Variants in PLGRKT observed in about 807,000 individuals in gnomAD.
The protein encoded by PLGRKT is plasminogen receptor with a C-terminal lysine.
Under a neutral mutation model 18.5 loss-of-function variants are expected in PLGRKT, and 22 were observed. That is an observed-to-expected ratio of 1.19 (90% CI 0.85 to 1.70). PLGRKT has a LOEUF of 1.70. PLGRKT is among the 40% of genes most tolerant of loss of function. The pLI is 0.00. For synonymous variants in PLGRKT, 72 were observed against 52.8 expected, an observed-to-expected ratio of 1.36 and a Z score of -1.58; for missense variants, 235 against 174.4, an observed-to-expected ratio of 1.35 and a Z score of -1.96.
intron 3 of PLGRKT, among the ~76,000 whole-genome samples, chr9:5,402,787 A>G (rs1299210510): frequency 7.9e-5 from 12 of 151,988 alleles, no homozygotes; most frequent in Admixed American, 7.9e-4. Flanking sequence ...AAATTTTTAT[A>G]AAGTGTAAAA....
At chr9:5,428,334 A>G (rs1299284227) in intron 3 of PLGRKT, among the ~76,000 whole-genome samples, 1 of 152,168 alleles carries the variant, frequency 6.6e-6, no homozygotes, top group East Asian at 1.9e-4. Context: ...ATGCTGGGGA[A>G]CTTCAGGGCA....
chr9:5,361,870 T>G lies in PLGRKT; in HGVS notation c.100A>C (p.Met34Leu). The G allele has an allele frequency of 6.2e-7, 1 of 1,613,012 alleles. No individual in the cohort carries two copies. Among genetic ancestry groups the G allele is most frequent in the Non-Finnish European group, 8.5e-7 (1 of 1,179,588 alleles). ...ARLQLERQLIMQSEMRERQMA... is the reference protein window; with the variant it reads ...ARLQLERQLILQSEMRERQMA... Reference sequence around the variant, plus strand: ...TGTCTTTCCCTCATTTCACTCTGCATGATGAGCTGCCTTTCCAGCTAAGGA... The same window carrying G: ...TGTCTTTCCCTCATTTCACTCTGCAGGATGAGCTGCCTTTCCAGCTAAGGA... Residue 34 changes from methionine to leucine, a missense_variant, in exon 4 of 6, where the codon ATG (methionine) becomes CTG (leucine). Coordinates refer to ENST00000223864, the MANE Select transcript of PLGRKT (RefSeq NM_018465.4).
In PLGRKT at chr9:5,387,837, T is replaced by C. The variant is rs78975300; in HGVS notation, c.82-25949A>G. 6.8e-4 allele frequency among the ~76,000 whole-genome samples: 103 copies of C among 151,792 alleles called. 1 individual carries two copies. The East Asian group carries it at 0.019, about 28-fold the overall frequency. On this transcript the variant is annotated intron_variant, in intron 3 of 5. Transcript: ENST00000223864. The stretch of plus-strand genomic sequence containing the variant: ...TATTGCAGATGGGCAAGGGTAACAA[T>C]AGGGAGAGCAGTTAGGAGGCTATAG...
chr9:5,376,673 C>A (rs1010797433), intron 3 of PLGRKT, among the ~76,000 whole-genome samples: 1 of 152,172 alleles, frequency 6.6e-6, no homozygotes. Context: ...TATGCAGCTA[C>A]ATGTCCTGAT....
intron 3 of PLGRKT, among the ~76,000 whole-genome samples, chr9:5,369,089 A>C (rs1817459796): frequency 6.6e-6 from 1 of 152,202 alleles, no homozygotes; most frequent in African/African-American, 2.4e-5. Flanking sequence ...ATAGCAACAA[A>C]AGCCAAAATT....
chr9:5,392,222 G>C lies in PLGRKT; in HGVS notation c.82-30334C>G, dbSNP rs944746311. 19 of 151,832 alleles carry C rather than the reference G, an allele frequency of 1.3e-4. 1 individual carries two copies. Among genetic ancestry groups the C allele is most frequent in the African/African-American group, 4.6e-4 (19 of 41,158 alleles). 9.4% of individuals were successfully genotyped at this position (151,832 alleles called of 1,614,324 possible). A position where few individuals can be genotyped will look rare whatever the true frequency, so the allele number is the denominator to read the frequency against. On this transcript the variant is annotated intron_variant, in intron 3 of 5. Coordinates refer to ENST00000223864, the MANE Select transcript of PLGRKT (RefSeq NM_018465.4). The stretch of plus-strand genomic sequence containing the variant: ...CCGGAGAGGTACTTTTAGGACAAAT[G>C]GGTATTTGTCAAGTTGTTATGGATG...
At chr9:5,411,938 A>G (rs1467200045) in intron 3 of PLGRKT, among the ~76,000 whole-genome samples, 1 of 152,242 alleles carries the variant, frequency 6.6e-6, no homozygotes, top group African/African-American at 2.4e-5. Flanking sequence ...AGACTATTTT[A>G]TACTTGGGCA....
At chr9:5,380,982 C>G (rs1483747814) in intron 3 of PLGRKT, among the ~76,000 whole-genome samples, 3 of 152,186 alleles carry the variant, frequency 2.0e-5, no homozygotes, top group Non-Finnish European at 4.4e-5. Flanking sequence ...AAGTGTGGCA[C>G]TTCCCCCTTT....
chr9:5,387,149 T>A (rs1817859382), intron 3 of PLGRKT, among the ~76,000 whole-genome samples: 1 of 151,882 alleles, frequency 6.6e-6, no homozygotes, highest in East Asian at 1.9e-4. Context: ...AGCTCCAATG[T>A]CAATGCTTTT....
intron 3 of PLGRKT, among the ~76,000 whole-genome samples, chr9:5,398,836 G>A (rs1198427476): frequency 1.3e-5 from 2 of 151,896 alleles, no homozygotes; most frequent in East Asian, 3.9e-4. Flanking sequence ...CCCAAAATAT[G>A]CCACTTTGAT....
chr9:5,400,999 A>G (rs1818143486), intron 3 of PLGRKT, among the ~76,000 whole-genome samples: 1 of 151,986 alleles, frequency 6.6e-6, no homozygotes, highest in Non-Finnish European at 1.5e-5. Flanking sequence ...CAAGTTAGAT[A>G]AGATCTTAAG....
chr9:5,434,150 G>A (rs1405440826), intron 2 of PLGRKT, among the ~76,000 whole-genome samples: 36 of 140,082 alleles, frequency 2.6e-4, no homozygotes, highest in Non-Finnish European at 4.8e-4. Flanking sequence ...CCGCCACCCC[G>A]TCTGGGAAGT....
chr9:5,421,015 G>A (rs939115628), intron 3 of PLGRKT, among the ~76,000 whole-genome samples: 4 of 152,122 alleles, frequency 2.6e-5, no homozygotes, highest in Admixed American at 2.6e-4. Context: ...ATTTTATGTT[G>A]CAAAAACCAT....
chr9:5,383,053 C>T (rs1817775847), intron 3 of PLGRKT, among the ~76,000 whole-genome samples: 1 of 152,110 alleles, frequency 6.6e-6, no homozygotes, highest in East Asian at 1.9e-4. Context: ...TTAGATCACC[C>T]AAGTGGGCTC....
upstream of PLGRKT, chr9:5,437,985 T>A (rs189017510): frequency 6.6e-6 from 1 of 152,116 alleles, no homozygotes; most frequent in Non-Finnish European, 1.5e-5. Context: ...AGAAGCCGGG[T>A]GTGTCCTTCC....
At chr9:5,432,076 TAAA>T in intron 2 of PLGRKT, 93 bp from the exon 3 acceptor site, 1 of 500,410 alleles carries the variant, frequency 2.0e-6, no homozygotes, top group Non-Finnish European at 3.6e-6. Context: ...TATGACAAAG[TAAA>T]AAAAAAAAGT....
chr9:5,395,315 G>C (rs558007763), intron 3 of PLGRKT, among the ~76,000 whole-genome samples: 50 of 151,952 alleles, frequency 3.3e-4, no homozygotes, highest in South Asian at 2.7e-3. Context: ...ACTATAAAAT[G>C]AATCTTCTCT....
intron 3 of PLGRKT, among the ~76,000 whole-genome samples, chr9:5,405,170 T>G (rs1009668048): frequency 9.2e-5 from 14 of 152,160 alleles, no homozygotes; most frequent in African/African-American, 2.4e-4. Context: ...ATCGTAAAAA[T>G]GGCCATACTG....
chr9:5,420,710 C>T (rs1818559653), intron 3 of PLGRKT, among the ~76,000 whole-genome samples: 1 of 152,204 alleles, frequency 6.6e-6, no homozygotes, highest in African/African-American at 2.4e-5. Flanking sequence ...GATTGTGCTG[C>T]TTTCTTCTCC....
Sources: allele counts gnomAD v4.1 joint callset (sites outside exome capture counted in the v4.1 genomes callset), GRCh38; gene constraint gnomAD v4.1.1; transcripts MANE v1.5; gene names NCBI Gene and HGNC (gene_info 2026-07-23, HGNC 2026-07-21).